GOLGA7B: variants seen among roughly 807,000 people sequenced by gnomAD.
GOLGA7B encodes golgin A7 family member B.
Under a neutral mutation model 21.5 loss-of-function variants are expected in GOLGA7B, and 17 were observed. That is an observed-to-expected ratio of 0.79 (90% CI 0.54 to 1.19). The LOEUF is 1.19. Ranked by LOEUF, GOLGA7B falls within the 50% of genes most tolerant of loss-of-function variation. GOLGA7B has a pLI of 0.00. For missense variants in GOLGA7B, 169 were observed against 224.4 expected, an observed-to-expected ratio of 0.75 and a Z score of 1.58; for synonymous variants, 87 against 84.0, an observed-to-expected ratio of 1.04 and a Z score of -0.19.
At position 97,865,759 on chromosome 10, in the gene GOLGA7B, G is replaced by A. The variant is rs1296590954; in HGVS notation, c.*59G>A. 5 of 1,522,530 alleles carry A rather than the reference G, an allele frequency of 3.3e-6. No individual in the cohort carries two copies. Among genetic ancestry groups the A allele is most frequent in the Non-Finnish European group, 4.4e-6 (5 of 1,133,904 alleles). The allele number at this position is 1,522,530 out of a possible 1,614,324, so 94.3% of individuals were successfully genotyped here. On this transcript the variant is annotated 3_prime_UTR_variant, in exon 5 of 5. Coordinates refer to ENST00000370602, the MANE Select transcript of GOLGA7B (RefSeq NM_001010917.3). Reference sequence around the variant, plus strand: ...CGGAGTGAGGGCCTTGCAGACCTGCGGCGGCTGCGCTACCAGAGCACCCGC... The same window carrying A: ...CGGAGTGAGGGCCTTGCAGACCTGCAGCGGCTGCGCTACCAGAGCACCCGC...
rs1277344168 is a variant in GOLGA7B, at chr10:97,871,300, GAGTC to G, written c.*5603_*5606del. 1.3e-5 allele frequency: 2 copies of G among 152,218 alleles called. No homozygotes were observed. The highest frequency in any genetic ancestry group is 2.9e-5 in the Non-Finnish European group (2 of 68,046). The allele number at this position is 152,218 out of a possible 1,614,324, so 9.4% of individuals were successfully genotyped here. On this transcript the variant is annotated 3_prime_UTR_variant, in exon 5 of 5. Transcript: ENST00000370602. ...TGGAGGAAGTGGGAAACTGTGAAGA[GAGTC>G]AGAGGGCTGTGCCAGCTGCCCCCTT...
rs1461512788 is a variant in GOLGA7B, at chr10:97,849,972, G to A, written c.-332G>A. Among the ~76,000 whole-genome samples, 42 of 137,342 alleles carry A rather than the reference G, an allele frequency of 3.1e-4. No homozygotes were observed. Among genetic ancestry groups the A allele is most frequent in the South Asian group, 2.5e-3 (9 of 3,636 alleles). 90.1% of individuals were successfully genotyped at this position (137,342 alleles called of 152,430 possible). On this transcript the variant is annotated 5_prime_UTR_variant, in exon 1 of 5. Coordinates refer to ENST00000370602, the MANE Select transcript of GOLGA7B (RefSeq NM_001010917.3). ...TCCTCCCCCGGCCGCCCCCATCCCC[G>A]CCGCCGCCGCCGCCAAAGCTAAACC...
intron 4 of GOLGA7B, chr10:97,865,381 C>A: frequency 2.5e-6 from 2 of 795,102 alleles, no homozygotes; most frequent in South Asian, 4.4e-5. Context: ...CAGCACAGGG[C>A]CTGGCCTTAC....
At chr10:97,857,764 C>T (rs1001477227) in intron 1 of GOLGA7B, among the ~76,000 whole-genome samples, 1 of 152,124 alleles carries the variant, frequency 6.6e-6, no homozygotes, top group African/African-American at 2.4e-5. Context: ...CTATAATAAC[C>T]AAAACAGCAG....
chr10:97,864,400 G>T, intron 4 of GOLGA7B, 131 bp downstream of exon 4: 1 of 678,538 alleles, frequency 1.5e-6, no homozygotes, highest in Admixed American at 2.6e-5. Context: ...CCACATCAGT[G>T]GTCCTCAGCC....
chr10:97,853,383 G>T (rs557954770), intron 1 of GOLGA7B, among the ~76,000 whole-genome samples: 136 of 152,352 alleles, frequency 8.9e-4, no homozygotes, highest in Non-Finnish European at 1.7e-3. Context: ...GACTTGGGCA[G>T]ACTGGACCAG....
intron 1 of GOLGA7B, among the ~76,000 whole-genome samples, chr10:97,851,037 C>G (rs1206804342): frequency 6.6e-6 from 1 of 152,032 alleles, no homozygotes; most frequent in Admixed American, 6.6e-5. Flanking sequence ...AGGATTCCCC[C>G]CTCTACCCCT....
At position 97,869,127 on chromosome 10, in the gene GOLGA7B, C is replaced by T. The variant is rs1391394762; in HGVS notation, c.*3427C>T. 2 of 152,242 alleles carry T rather than the reference C, an allele frequency of 1.3e-5. No individual in the cohort carries two copies. The highest frequency in any genetic ancestry group is 2.1e-4 in the South Asian group (1 of 4,834). The allele number at this position is 152,242 out of a possible 1,614,324, so 9.4% of individuals were successfully genotyped here. A position where few individuals can be genotyped will look rare whatever the true frequency, so the allele number is the denominator to read the frequency against. ...CGCTTAACAGCTTGAGGGCCTCAGC[C>T]GTCCTGGGATTAGGATCAGGCAGAT... On this transcript the variant is annotated 3_prime_UTR_variant, in exon 5 of 5. Coordinates refer to ENST00000370602, the MANE Select transcript of GOLGA7B (RefSeq NM_001010917.3).
chr10:97,865,781 C>T lies in GOLGA7B; in HGVS notation c.*81C>T. ...TGCGGCGGCTGCGCTACCAGAGCAC[C>T]CGCTTCTGAGTCATTCTTTGGGCTC... On this transcript the variant is annotated 3_prime_UTR_variant, in exon 5 of 5. Transcript: ENST00000370602. 1.4e-6 allele frequency: 2 copies of T among 1,477,416 alleles called. No individual in the cohort carries two copies. The highest frequency in any genetic ancestry group is 1.8e-6 in the Non-Finnish European group (2 of 1,112,676). The allele number at this position is 1,477,416 out of a possible 1,614,324, so 91.5% of individuals were successfully genotyped here. A position where few individuals can be genotyped will look rare whatever the true frequency, so the allele number is the denominator to read the frequency against.
At position 97,866,041 on chromosome 10, in the gene GOLGA7B, T is replaced by A; in HGVS notation, c.*341T>A. The A allele has an allele frequency of 3.2e-6, 1 of 316,694 alleles. No individual in the cohort carries two copies. The highest frequency in any genetic ancestry group is 5.4e-5 in the East Asian group (1 of 18,500). The allele number at this position is 316,694 out of a possible 1,614,324, so 19.6% of individuals were successfully genotyped here. A position where few individuals can be genotyped will look rare whatever the true frequency, so the allele number is the denominator to read the frequency against. ...TCTTCCACAGCCCCTCTCCCAACCC[T>A]GCGAGGGGGGCCGAGGCCTGCCACA... On this transcript the variant is annotated 3_prime_UTR_variant, in exon 5 of 5. Transcript: ENST00000370602.
intron 1 of GOLGA7B, among the ~76,000 whole-genome samples, chr10:97,858,693 G>C (rs1439734554): frequency 6.6e-6 from 1 of 152,200 alleles, no homozygotes; most frequent in Admixed American, 6.5e-5. Flanking sequence ...CTATTCTCTG[G>C]AGAAGTTTGG....
chr10:97,865,567 C>G lies in GOLGA7B; in HGVS notation c.394-23C>G, dbSNP rs1385105878. ...CCCTGCTCAGCAGCTGGGCTCGCAG[C>G]TCTCCTTAACCACCGACCCCAGATT... On this transcript the variant is annotated intron_variant, in intron 4 of 4. Transcript: ENST00000370602. The G allele has an allele frequency of 6.2e-7, 1 of 1,610,012 alleles. No individual in the cohort carries two copies. Among genetic ancestry groups the G allele is most frequent in the African/African-American group, 1.3e-5 (1 of 74,880 alleles).
chr10:97,855,424 A>C (rs905252457), intron 1 of GOLGA7B, among the ~76,000 whole-genome samples: 9 of 152,250 alleles, frequency 5.9e-5, no homozygotes, highest in Admixed American at 5.9e-4. Context: ...TGTATGGGTC[A>C]GAGGACAGGA....
chr10:97,864,106 C>T (rs1265483184), intron 3 of GOLGA7B, 24 bp downstream of exon 3: 1 of 1,614,002 alleles, frequency 6.2e-7, no homozygotes. Context: ...CCCCACCGTG[C>T]ATCCCTTCCC....
At chr10:97,865,247 C>A in intron 4 of GOLGA7B, 1 of 303,234 alleles carries the variant, frequency 3.3e-6, no homozygotes. Flanking sequence ...AGTCCTCATA[C>A]TTCCTGTGCA....
intron 4 of GOLGA7B, 83 bp from the exon 5 acceptor site, chr10:97,865,507 C>T (rs2050009238): frequency 6.4e-7 from 1 of 1,568,906 alleles, no homozygotes; most frequent in Non-Finnish European, 8.7e-7. Flanking sequence ...TTTCCCACTC[C>T]CCTGCTGGAC....
At chr10:97,850,432 C>T (rs2049898105) in intron 1 of GOLGA7B, 117 bp downstream of exon 1, 1 of 863,288 alleles carries the variant, frequency 1.2e-6, no homozygotes, top group Non-Finnish European at 1.7e-6. Context: ...GGTGATTCCC[C>T]AGGTCAGGTC....
chr10:97,859,310 C>T, intron 1 of GOLGA7B, 148 bp from the exon 2 acceptor site: 2 of 710,330 alleles, frequency 2.8e-6, no homozygotes, highest in South Asian at 2.0e-5. Context: ...CCTCTTGGAG[C>T]ACCTGTAGAG....
intron 1 of GOLGA7B, among the ~76,000 whole-genome samples, chr10:97,851,213 G>A (rs538220722): frequency 2.0e-5 from 3 of 152,272 alleles, no homozygotes; most frequent in East Asian, 3.9e-4. Flanking sequence ...TTTTTGGAGC[G>A]AAACTCAGGA....
Sources: allele counts gnomAD v4.1 joint callset (sites outside exome capture counted in the v4.1 genomes callset), GRCh38; gene constraint gnomAD v4.1.1; transcripts MANE v1.5; gene names NCBI Gene and HGNC (gene_info 2026-07-23, HGNC 2026-07-21).